Variants in RORA observed in about 807,000 individuals in gnomAD.
RORA encodes the protein nuclear receptor ROR-alpha.
A neutral mutation model predicts 69.5 loss-of-function variants in RORA; 7 were observed. The observed-to-expected ratio is 0.10, with a 90% CI of 0.06 to 0.19. The LOEUF is 0.19. RORA is among the 10% of genes least tolerant of loss of function. The pLI is 1.00. For missense variants in RORA, 457 were observed against 663.0 expected, an observed-to-expected ratio of 0.69 and a Z score of 3.41; for synonymous variants, 261 against 240.8, an observed-to-expected ratio of 1.08 and a Z score of -0.78.
chr15:61,000,851 T>C (rs1894722353), intron 1 of RORA, among the ~76,000 whole-genome samples: 1 of 152,142 alleles, frequency 6.6e-6, no homozygotes, highest in African/African-American at 2.4e-5. Context: ...TGGACCCAGC[T>C]TGTCACTATC....
At chr15:61,200,379 T>A (rs959953855) in intron 1 of RORA, among the ~76,000 whole-genome samples, 1 of 152,132 alleles carries the variant, frequency 6.6e-6, no homozygotes, top group Non-Finnish European at 1.5e-5. Flanking sequence ...GGTGTCATGT[T>A]GTACCCCAAA....
At chr15:60,581,983 G>T (rs1446992112) in intron 2 of RORA, among the ~76,000 whole-genome samples, 1 of 152,168 alleles carries the variant, frequency 6.6e-6, no homozygotes, top group Non-Finnish European at 1.5e-5. Context: ...ATTTGGTAAA[G>T]AATAAAATTA....
At chr15:60,571,146 G>C (rs2067868568) in intron 2 of RORA, among the ~76,000 whole-genome samples, 1 of 150,698 alleles carries the variant, frequency 6.6e-6, no homozygotes, top group African/African-American at 2.5e-5. Context: ...TACTGTTCTT[G>C]CTATTTTTTT....
intron 1 of RORA, among the ~76,000 whole-genome samples, chr15:61,170,842 A>G (rs1439342747): frequency 2.0e-5 from 3 of 152,308 alleles, no homozygotes; most frequent in South Asian, 4.1e-4. Context: ...TTGGGGCTGG[A>G]TAGTGCACAG....
rs2070770110 is a variant in RORA, at chr15:60,687,832, A to G, written c.167-9146T>C. Among the ~76,000 whole-genome samples the G allele has an allele frequency of 2.0e-5, 3 of 152,232 alleles. No homozygotes were observed. In the South Asian group the frequency reaches 6.2e-4, roughly 32 times the overall value. ...AGTTTGGTATTGTTAGATTAGATGTACAAGCTATGTTCCCATATGGGATTT... is the reference window on the plus strand; with the variant it reads ...AGTTTGGTATTGTTAGATTAGATGTGCAAGCTATGTTCCCATATGGGATTT... On this transcript the variant is annotated intron_variant, in intron 1 of 10. Transcript: ENST00000335670.
At chr15:60,937,717 A>G (rs1018495644) in intron 1 of RORA, among the ~76,000 whole-genome samples, 1 of 152,176 alleles carries the variant, frequency 6.6e-6, no homozygotes, top group African/African-American at 2.4e-5. Flanking sequence ...TTTCAGCTCC[A>G]ACTACTGTTA....
chr15:61,050,130 C>G (rs1361637007), intron 1 of RORA, among the ~76,000 whole-genome samples: 2 of 152,192 alleles, frequency 1.3e-5, no homozygotes, highest in African/African-American at 4.8e-5. Flanking sequence ...AACTACTGCC[C>G]ATGTGGTCTG....
intron 1 of RORA, among the ~76,000 whole-genome samples, chr15:61,202,916 C>T (rs2079908513): frequency 2.0e-5 from 3 of 152,132 alleles, no homozygotes; most frequent in African/African-American, 7.2e-5. Context: ...CCAAGAAACA[C>T]AGTACTCAGT....
chr15:60,909,564 T>C (rs1335192964), intron 1 of RORA, among the ~76,000 whole-genome samples: 1 of 149,912 alleles, frequency 6.7e-6, no homozygotes, highest in Non-Finnish European at 1.5e-5. Context: ...GAAAATAGAG[T>C]CACAAGTTAT....
intron 3 of RORA, among the ~76,000 whole-genome samples, chr15:60,527,481 C>T (rs1041155909): frequency 2.0e-5 from 3 of 152,214 alleles, no homozygotes; most frequent in East Asian, 1.9e-4. Flanking sequence ...GCATGGGGCA[C>T]GACCTGCCCC....
At chr15:60,521,234 G>T (rs952004274) in intron 3 of RORA, among the ~76,000 whole-genome samples, 2 of 146,836 alleles carry the variant, frequency 1.4e-5, no homozygotes, top group Admixed American at 1.4e-4. Context: ...AGTCAAAAAA[G>T]AAAAAAATTG....
chr15:61,025,453 T>A (rs1043726941), intron 1 of RORA, among the ~76,000 whole-genome samples: 1 of 152,168 alleles, frequency 6.6e-6, no homozygotes, highest in Non-Finnish European at 1.5e-5. Context: ...ACCCTGTTAT[T>A]TTCTGGGAGC....
chr15:60,779,976 G>C (rs1486752136), intron 1 of RORA, among the ~76,000 whole-genome samples: 1 of 152,108 alleles, frequency 6.6e-6, no homozygotes, highest in Non-Finnish European at 1.5e-5. Context: ...CAAAGCACTT[G>C]GGGGTTTTCA....
chr15:61,022,790 A>G (rs1290656071), intron 1 of RORA, among the ~76,000 whole-genome samples: 2 of 152,158 alleles, frequency 1.3e-5, no homozygotes, highest in Non-Finnish European at 2.9e-5. Flanking sequence ...GAGGTAGAAG[A>G]AAATGGTAGG....
rs144948034 is a variant in RORA, at chr15:61,200,858, C to G, written c.166+28195G>C. ...CCCAGGGTAGTCAACACTTATCATCCAGAGGACTGGATTCACTTTCTCATA... is the reference window on the plus strand; with the variant it reads ...CCCAGGGTAGTCAACACTTATCATCGAGAGGACTGGATTCACTTTCTCATA... On this transcript the variant is annotated intron_variant, in intron 1 of 10. Coordinates refer to ENST00000335670, the MANE Select transcript of RORA (RefSeq NM_134261.3). 5.5e-3 allele frequency among the ~76,000 whole-genome samples: 838 copies of G among 152,230 alleles called. 15 individuals carry two copies. Among genetic ancestry groups the G allele is most frequent in the East Asian group, 0.019 (100 of 5,166 alleles).
intron 1 of RORA, among the ~76,000 whole-genome samples, chr15:61,101,568 G>T (rs762757311): frequency 6.6e-6 from 1 of 151,978 alleles, no homozygotes; most frequent in Non-Finnish European, 1.5e-5. Flanking sequence ...CTCTAAAATC[G>T]AATCTCCCCT....
In RORA at chr15:60,792,507, C is replaced by A. The variant is rs535805382; in HGVS notation, c.167-113821G>T. ...ACAAAGAAAACAATATCTAGACAAA[C>A]CACAGTCAATTTTCTGAAGTCGAAA... is the stretch of plus-strand genomic sequence containing the variant. On this transcript the variant is annotated intron_variant, in intron 1 of 10. Transcript: ENST00000335670. Among the ~76,000 whole-genome samples, 23 of 152,232 alleles carry A rather than the reference C, an allele frequency of 1.5e-4. No homozygotes were observed. In the East Asian group the frequency reaches 4.4e-3, roughly 29 times the overall value.
intron 1 of RORA, among the ~76,000 whole-genome samples, chr15:60,892,089 A>T (rs1490931361): frequency 6.6e-6 from 1 of 152,236 alleles, no homozygotes; most frequent in Non-Finnish European, 1.5e-5. Context: ...CATTGGAAAG[A>T]CTGCTGCAGT....
chr15:60,788,285 A>G (rs2072367509), intron 1 of RORA, among the ~76,000 whole-genome samples: 1 of 152,218 alleles, frequency 6.6e-6, no homozygotes, highest in African/African-American at 2.4e-5. Context: ...CTCTGACCTC[A>G]AGGAGCACAC....
Sources: gnomAD v4.1 joint callset for allele counts (sites outside exome capture counted in the v4.1 genomes callset) on GRCh38, gnomAD v4.1.1 for gene constraint, MANE v1.5 for transcripts, NCBI Gene and HGNC (gene_info 2026-07-23, HGNC 2026-07-21) for gene names.